CDH20: variants seen among roughly 807,000 people sequenced by gnomAD.
CDH20 encodes the protein cadherin-20.
CDH20 carries 29 observed loss-of-function variants against 74.2 expected under a neutral mutation model. The ratio of observed to expected loss-of-function variants is 0.39; its 90% CI spans 0.29 to 0.53. CDH20 has a LOEUF of 0.53. Ranked by LOEUF, CDH20 falls within the 20% of genes least tolerant of loss-of-function variation. The pLI is 0.69. For synonymous variants in CDH20, 469 were observed against 405.4 expected (o/e 1.16, Z -1.88); for missense variants, 988 against 1,048.3 (o/e 0.94, Z 0.79).
At chr18:61,451,798 T>A (rs1039917248) in intron 1 of CDH20, among the ~76,000 whole-genome samples, 1 of 152,012 alleles carries the variant, frequency 6.6e-6, no homozygotes, top group Admixed American at 6.6e-5. Context: ...ACTGAAAAGT[T>A]TACATACTTT....
intron 1 of CDH20, among the ~76,000 whole-genome samples, chr18:61,414,275 A>C (rs995458241): frequency 6.6e-6 from 1 of 152,122 alleles, no homozygotes; most frequent in African/African-American, 2.4e-5. Flanking sequence ...TTCAATTATA[A>C]GATCTCAGAG....
At chr18:61,488,572 C>T (rs1910848652) in intron 1 of CDH20, among the ~76,000 whole-genome samples, 1 of 152,150 alleles carries the variant, frequency 6.6e-6, no homozygotes, top group Admixed American at 6.5e-5. Context: ...CTAAATAAGT[C>T]AGAGGTAATG....
chr18:61,439,355 T>A lies in CDH20; in HGVS notation c.-152-51047T>A, dbSNP rs550925244. ...TTCATTTTTAACAAAGAAAAATGGT[T>A]TTCTGTCACCTTTCCAAATAATAAA... On this transcript the variant is annotated intron_variant, in intron 1 of 11. Coordinates refer to ENST00000262717, the MANE Select transcript of CDH20 (RefSeq NM_031891.4). Among the ~76,000 whole-genome samples, 24 of 152,286 alleles carry A rather than the reference T, an allele frequency of 1.6e-4. 1 individual carries two copies. The South Asian group carries it at 5.0e-3, about 32-fold the overall frequency.
At chr18:61,453,933 T>G (rs1190206091) in intron 1 of CDH20, among the ~76,000 whole-genome samples, 1 of 152,204 alleles carries the variant, frequency 6.6e-6, no homozygotes, top group African/African-American at 2.4e-5. Context: ...CAGCAATGTA[T>G]GAGTAACATA....
intron 1 of CDH20, among the ~76,000 whole-genome samples, chr18:61,453,526 G>A (rs911564265): frequency 7.2e-5 from 11 of 152,176 alleles, no homozygotes; most frequent in African/African-American, 2.4e-4. Flanking sequence ...TGATCCGCCT[G>A]CCTCAGCCTC....
At chr18:61,395,739 AATT>A (rs1334293179) in intron 1 of CDH20, among the ~76,000 whole-genome samples, 2 of 152,200 alleles carry the variant, frequency 1.3e-5, no homozygotes, top group East Asian at 3.8e-4. Context: ...TCAATATAAA[AATT>A]ATATGACCTT....
chr18:61,418,363 G>T (rs1912761845), intron 1 of CDH20, among the ~76,000 whole-genome samples: 1 of 151,970 alleles, frequency 6.6e-6, no homozygotes. Context: ...GACCATACTG[G>T]CTAAGATGGT....
At chr18:61,374,012 A>G (rs1439397129) in intron 1 of CDH20, among the ~76,000 whole-genome samples, 1 of 152,144 alleles carries the variant, frequency 6.6e-6, no homozygotes, top group Non-Finnish European at 1.5e-5. Flanking sequence ...ATTGAGTGAC[A>G]AGGAAATCAG....
At chr18:61,540,617 A>G (rs1913000207) in intron 9 of CDH20, among the ~76,000 whole-genome samples, 1 of 152,184 alleles carries the variant, frequency 6.6e-6, no homozygotes, top group South Asian at 2.1e-4. Flanking sequence ...CAATTCAATT[A>G]TCTCCCATTA....
intron 1 of CDH20, among the ~76,000 whole-genome samples, chr18:61,429,265 T>C (rs1335736437): frequency 6.6e-6 from 1 of 152,300 alleles, no homozygotes; most frequent in Middle Eastern, 3.4e-3. Flanking sequence ...TGTTTCTTAA[T>C]TGTCCTCATC....
At chr18:61,513,022 C>A (rs1340470972) in intron 6 of CDH20, among the ~76,000 whole-genome samples, 1 of 151,990 alleles carries the variant, frequency 6.6e-6, no homozygotes, top group Non-Finnish European at 1.5e-5. Flanking sequence ...ATTAGGTCCG[C>A]TTGGTGCAGA....
intron 1 of CDH20, among the ~76,000 whole-genome samples, chr18:61,396,084 C>T (rs940230939): frequency 8.0e-6 from 1 of 124,516 alleles, no homozygotes; most frequent in Non-Finnish European, 1.8e-5. Flanking sequence ...CATGCACGCA[C>T]ACCATGTGGA....
intron 1 of CDH20, among the ~76,000 whole-genome samples, chr18:61,390,669 GCT>G (rs1259704584): frequency 6.6e-6 from 1 of 152,174 alleles, no homozygotes; most frequent in African/African-American, 2.4e-5. Context: ...TCAGAATTGA[GCT>G]CAAATGTATT....
intron 3 of CDH20, 74 bp downstream of exon 3, chr18:61,499,554 GCA>G: frequency 9.0e-7 from 1 of 1,111,262 alleles, no homozygotes; most frequent in Non-Finnish European, 1.3e-6. Context: ...ATATGCACAT[GCA>G]CACACACATG....
At chr18:61,434,133 A>G (rs1182644263) in intron 1 of CDH20, among the ~76,000 whole-genome samples, 1 of 152,188 alleles carries the variant, frequency 6.6e-6, no homozygotes, top group Non-Finnish European at 1.5e-5. Flanking sequence ...ATGTATTTTC[A>G]CATAGCATTC....
At chr18:61,480,459 T>C (rs1910552349) in intron 1 of CDH20, among the ~76,000 whole-genome samples, 1 of 152,194 alleles carries the variant, frequency 6.6e-6, no homozygotes, top group Admixed American at 6.5e-5. Flanking sequence ...TTATGTAAGA[T>C]GTACATTGGT....
intron 1 of CDH20, among the ~76,000 whole-genome samples, chr18:61,388,853 A>G (rs558249771): frequency 1.4e-4 from 21 of 152,294 alleles, no homozygotes; most frequent in Middle Eastern, 3.4e-3. Flanking sequence ...TAGGCAAGAA[A>G]TTACAGAAAA....
intron 1 of CDH20, among the ~76,000 whole-genome samples, chr18:61,375,049 A>G (rs189581113): frequency 5.3e-5 from 8 of 152,298 alleles, no homozygotes; most frequent in Non-Finnish European, 1.2e-4. Flanking sequence ...AATGTACATC[A>G]ATCAAGTAAT....
intron 1 of CDH20, among the ~76,000 whole-genome samples, chr18:61,358,572 A>C (rs1385551877): frequency 6.6e-6 from 1 of 152,168 alleles, no homozygotes; most frequent in African/African-American, 2.4e-5. Flanking sequence ...AAGAGAGCCA[A>C]GCATAGGGTA....
Sources: gnomAD v4.1 joint callset for allele counts (sites outside exome capture counted in the v4.1 genomes callset) on GRCh38, gnomAD v4.1.1 for gene constraint, MANE v1.5 for transcripts, NCBI Gene and HGNC (gene_info 2026-07-23, HGNC 2026-07-21) for gene names.